Variants in CERS6 observed in about 807,000 individuals in gnomAD.
The protein encoded by CERS6 is ceramide synthase 6, also known as LAG1 homolog, ceramide synthase 6.
In CERS6, 26 loss-of-function variants were observed where a neutral mutation model predicts 56.8. That is an observed-to-expected ratio of 0.46 (90% CI 0.34 to 0.63). CERS6 has a LOEUF of 0.63. Ranked by LOEUF, CERS6 falls within the 30% of genes least tolerant of loss-of-function variation. CERS6 has a pLI of 0.01. For synonymous variants in CERS6, 164 were observed against 173.3 expected, an observed-to-expected ratio of 0.95 and a Z score of 0.42; for missense variants, 415 against 467.5, an observed-to-expected ratio of 0.89 and a Z score of 1.04.
intron 8 of CERS6, among the ~76,000 whole-genome samples, chr2:168,758,299 A>G (rs560421706): frequency 3.9e-5 from 6 of 152,158 alleles, no homozygotes; most frequent in Non-Finnish European, 5.9e-5. Flanking sequence ...TTTGACCACA[A>G]AGTTCATTTT....
At chr2:168,760,747 T>A (rs1380187517) in intron 8 of CERS6, among the ~76,000 whole-genome samples, 1 of 147,414 alleles carries the variant, frequency 6.8e-6, no homozygotes, top group Non-Finnish European at 1.5e-5. Flanking sequence ...TGTTTATTTA[T>A]TTATTTATTT....
intron 1 of CERS6, among the ~76,000 whole-genome samples, chr2:168,496,777 A>C (rs771474233): frequency 1.3e-5 from 2 of 152,188 alleles, no homozygotes; most frequent in African/African-American, 4.8e-5. Flanking sequence ...ATCAGTGAAC[A>C]TGATTGATGT....
At chr2:168,618,802 T>G (rs548792436) in intron 3 of CERS6, among the ~76,000 whole-genome samples, 1 of 152,316 alleles carries the variant, frequency 6.6e-6, no homozygotes, top group East Asian at 1.9e-4. Context: ...ATGACCATAC[T>G]GCCAAAAGCA....
chr2:168,491,443 C>G (rs1408089743), intron 1 of CERS6, among the ~76,000 whole-genome samples: 1 of 151,954 alleles, frequency 6.6e-6, no homozygotes, highest in Non-Finnish European at 1.5e-5. Context: ...TGCCACTTAT[C>G]ATATTAGTAT....
At position 168,700,359 on chromosome 2, in the gene CERS6, G is replaced by A. The variant is rs145847017; in HGVS notation, c.609+5308G>A. ...AGGAAGCAGCATGGAACAGAATTAC[G>A]TAAAATAATGTACGTGAAACTATGT... On this transcript the variant is annotated intron_variant, in intron 6 of 9. Transcript: ENST00000305747. 1.9e-3 allele frequency among the ~76,000 whole-genome samples: 294 copies of A among 152,220 alleles called. 2 individuals carry two copies. Among genetic ancestry groups the A allele is most frequent in the African/African-American group, 6.7e-3 (277 of 41,554 alleles).
At chr2:168,526,698 A>G (rs13396852) in intron 1 of CERS6, among the ~76,000 whole-genome samples, 26,734 of 152,252 alleles carry the variant, frequency 0.18, 2,725 homozygotes, top group Middle Eastern at 0.23. Context: ...TGCTTTTTAT[A>G]CAATGAGGCT....
chr2:168,724,994 G>T (rs189437482), intron 8 of CERS6, among the ~76,000 whole-genome samples: 5 of 152,238 alleles, frequency 3.3e-5, no homozygotes, highest in Non-Finnish European at 5.9e-5. Context: ...GCCCACGGAG[G>T]GGGTGGGAGG....
At chr2:168,589,241 CT>C (rs1457396765) in intron 3 of CERS6, among the ~76,000 whole-genome samples, 1 of 152,174 alleles carries the variant, frequency 6.6e-6, no homozygotes, top group African/African-American at 2.4e-5. Flanking sequence ...TTCCTTCTCT[CT>C]TTCTTTTGTA....
chr2:168,473,585 TA>T (rs1001641863), intron 1 of CERS6, among the ~76,000 whole-genome samples: 18 of 152,318 alleles, frequency 1.2e-4, no homozygotes, highest in African/African-American at 3.8e-4. Context: ...ATTTGTGGAT[TA>T]AAAAATGTTT....
At chr2:168,639,226 C>T (rs574852071) in intron 4 of CERS6, among the ~76,000 whole-genome samples, 2 of 152,068 alleles carry the variant, frequency 1.3e-5, no homozygotes, top group African/African-American at 2.4e-5. Context: ...TTCCTTTGGC[C>T]GGAGGCAGTG....
chr2:168,466,259 G>A (rs1201213016), intron 1 of CERS6, among the ~76,000 whole-genome samples: 2 of 151,694 alleles, frequency 1.3e-5, no homozygotes, highest in Non-Finnish European at 3.0e-5. Context: ...AGAGCAAAGT[G>A]TCTGTAGAAA....
chr2:168,649,842 G>T (rs1685300663), intron 4 of CERS6, among the ~76,000 whole-genome samples: 1 of 151,932 alleles, frequency 6.6e-6, no homozygotes, highest in Non-Finnish European at 1.5e-5. Context: ...ACTCTGAAGA[G>T]TCTGTGACTG....
At chr2:168,705,782 C>A (rs1686924508) in intron 6 of CERS6, among the ~76,000 whole-genome samples, 1 of 152,052 alleles carries the variant, frequency 6.6e-6, no homozygotes, top group Admixed American at 6.5e-5. Context: ...TGTTTTCAGC[C>A]CGAATGGGTT....
At chr2:168,674,675 G>A (rs1017821743) in intron 4 of CERS6, among the ~76,000 whole-genome samples, 11 of 152,186 alleles carry the variant, frequency 7.2e-5, no homozygotes, top group African/African-American at 2.7e-4. Context: ...TGGCTTAAGG[G>A]ACAGAGAAGT....
intron 4 of CERS6, among the ~76,000 whole-genome samples, chr2:168,673,464 C>T (rs902950316): frequency 3.3e-5 from 5 of 152,146 alleles, no homozygotes; most frequent in East Asian, 1.9e-4. Context: ...TTCGTGGGGT[C>T]GGTCAGTACC....
intron 3 of CERS6, among the ~76,000 whole-genome samples, chr2:168,624,261 A>G (rs192905728): frequency 1.3e-5 from 2 of 152,300 alleles, no homozygotes; most frequent in Admixed American, 6.5e-5. Context: ...CTTAGCATAG[A>G]AAAGGAACTG....
At chr2:168,739,166 C>T (rs1683816259) in intron 8 of CERS6, among the ~76,000 whole-genome samples, 2 of 149,516 alleles carry the variant, frequency 1.3e-5, no homozygotes, top group Non-Finnish European at 3.0e-5. Context: ...GCCTCGGCCT[C>T]CCAAAGTGCT....
intron 6 of CERS6, among the ~76,000 whole-genome samples, chr2:168,710,813 C>CA (rs1687070093): frequency 6.6e-6 from 1 of 152,172 alleles, no homozygotes; most frequent in African/African-American, 2.4e-5. Flanking sequence ...TTATTAAACT[C>CA]AGAGTATGGT....
At chr2:168,736,101 A>G (rs779438871) in intron 8 of CERS6, among the ~76,000 whole-genome samples, 2 of 152,042 alleles carry the variant, frequency 1.3e-5, no homozygotes, top group East Asian at 1.9e-4. Flanking sequence ...TTTGGTATTA[A>G]TTTACTCTTA....
Sources: gnomAD v4.1 joint callset for allele counts (sites outside exome capture counted in the v4.1 genomes callset) on GRCh38, gnomAD v4.1.1 for gene constraint, MANE v1.5 for transcripts, NCBI Gene and HGNC (gene_info 2026-07-23, HGNC 2026-07-21) for gene names.